USP14: variants seen among roughly 807,000 people sequenced by gnomAD.
USP14 encodes ubiquitin specific peptidase 14, also known as ubiquitin carboxyl-terminal hydrolase 14.
A neutral mutation model predicts 76.5 loss-of-function variants in USP14; 38 were observed. The observed-to-expected ratio is 0.50, with a 90% CI of 0.38 to 0.65. USP14 has a LOEUF of 0.65. Among genes scored for constraint, USP14 ranks in the 30% least tolerant of loss-of-function variants. USP14 has a pLI of 0.00. For missense variants in USP14, 467 were observed against 586.5 expected (o/e 0.80, Z 2.10); for synonymous variants, 192 against 191.7 (o/e 1.00, Z -0.01).
At chr18:195,402 G>A (rs1910203077) in intron 6 of USP14, among the ~76,000 whole-genome samples, 1 of 152,086 alleles carries the variant, frequency 6.6e-6, no homozygotes, top group South Asian at 2.1e-4. Flanking sequence ...GGTTCAGTCT[G>A]TATAATGATG....
rs747826208 is a variant in USP14, at chr18:158,721, C to A, written c.16+7C>A. ...GCCATGCCGCTCTACTCCGGTGAGC[C>A]CTGTCCTGGCCTCGCGCGCAGCACA... On this transcript the variant is annotated splice_region_variant and intron_variant, in intron 1 of 15. Transcript: ENST00000261601. The A allele has an allele frequency of 2.0e-6, 3 of 1,512,058 alleles. No homozygotes were observed. The highest frequency in any genetic ancestry group is 2.9e-5 in the African/African-American group (2 of 69,164). The allele number at this position is 1,512,058 out of a possible 1,614,324, so 93.7% of individuals were successfully genotyped here. A position where few individuals can be genotyped will look rare whatever the true frequency, so the allele number is the denominator to read the frequency against.
chr18:194,315 G>A lies in USP14; in HGVS notation c.463+1415G>A, dbSNP rs928648265. Among the ~76,000 whole-genome samples, 3 of 152,150 alleles carry A rather than the reference G, an allele frequency of 2.0e-5. No homozygotes were observed. The East Asian group carries it at 5.8e-4, about 29-fold the overall frequency. On this transcript the variant is annotated intron_variant, in intron 6 of 15. Coordinates refer to ENST00000261601, the MANE Select transcript of USP14 (RefSeq NM_005151.4). ...ATATCTACTTCATTTGACAGCTCAT[G>A]TATCTTAGAATAACTTAGAATTTCA... is the stretch of plus-strand genomic sequence containing the variant.
Position 212,651 on chromosome 18 carries a change from TAGTGATTTTA to T in USP14, c.*1369_*1378del, listed in dbSNP as rs1011296524. 6.6e-6 allele frequency: 1 copy of T among 152,152 alleles called. No individual in the cohort carries two copies. The highest frequency in any genetic ancestry group is 1.5e-5 in the Non-Finnish European group (1 of 68,032). 9.4% of individuals were successfully genotyped at this position (152,152 alleles called of 1,614,324 possible). A position where few individuals can be genotyped will look rare whatever the true frequency, so the allele number is the denominator to read the frequency against. On this transcript the variant is annotated 3_prime_UTR_variant, in exon 16 of 16. Transcript: ENST00000261601. ...AATCTTAATGTCTGTTTCAGAATTT[TAGTGATTTTA>T]AAGTGATAGTAGAAAATACCAAGCA... is the stretch of plus-strand genomic sequence containing the variant.
chr18:210,668 T>G (rs2143107424), intron 15 of USP14, among the ~76,000 whole-genome samples, 175 bp downstream of exon 15: 1 of 152,256 alleles, frequency 6.6e-6, no homozygotes, highest in South Asian at 2.1e-4. Context: ...GTATTAGAAA[T>G]TAAAACTGAG....
At chr18:163,727 T>C (rs1277673147) in intron 2 of USP14, among the ~76,000 whole-genome samples, 1 of 152,168 alleles carries the variant, frequency 6.6e-6, no homozygotes, top group Non-Finnish European at 1.5e-5. Context: ...GAGATACATA[T>C]GCAGGTTTGT....
intron 11 of USP14, 23 bp from the exon 12 acceptor site, chr18:203,075 T>C (rs1246806290): frequency 3.1e-6 from 5 of 1,611,046 alleles, no homozygotes; most frequent in Non-Finnish European, 4.2e-6. Context: ...GTAATGGGAT[T>C]TCTTTACATT....
chr18:203,469 A>G (rs1252766220), intron 12 of USP14, among the ~76,000 whole-genome samples: 2 of 152,092 alleles, frequency 1.3e-5, no homozygotes, highest in Non-Finnish European at 2.9e-5. Context: ...CAAAAGATTC[A>G]TATACAATTC....
intron 5 of USP14, among the ~76,000 whole-genome samples, chr18:190,573 A>G (rs879433023): frequency 3.3e-5 from 5 of 152,220 alleles, no homozygotes; most frequent in Admixed American, 6.5e-5. Context: ...TGTGGCCTAC[A>G]TAACTTTTGG....
intron 3 of USP14, among the ~76,000 whole-genome samples, chr18:170,009 A>G (rs1909397991): frequency 6.6e-6 from 1 of 152,010 alleles, no homozygotes; most frequent in Admixed American, 6.6e-5. Flanking sequence ...AGGCCAATTA[A>G]TAACCCTACA....
chr18:205,560 G>A (rs1910506618), intron 13 of USP14, among the ~76,000 whole-genome samples: 1 of 152,106 alleles, frequency 6.6e-6, no homozygotes, highest in African/African-American at 2.4e-5. Context: ...GATCACTTTA[G>A]GCCAGGAGTT....
intron 3 of USP14, among the ~76,000 whole-genome samples, chr18:174,086 C>G (rs1909553557): frequency 1.3e-5 from 2 of 151,936 alleles, no homozygotes; most frequent in South Asian, 4.2e-4. Context: ...GTCATTTTCT[C>G]CATAAGAGTC....
intron 3 of USP14, among the ~76,000 whole-genome samples, chr18:173,578 ATTGT>A (rs1383633027): frequency 6.6e-6 from 1 of 151,618 alleles, no homozygotes; most frequent in Non-Finnish European, 1.5e-5. Context: ...CACCCAGCTA[ATTGT>A]TTGTATTTTT....
chr18:169,436 C>G (rs62073488), intron 3 of USP14, among the ~76,000 whole-genome samples: 36 of 150,104 alleles, frequency 2.4e-4, no homozygotes, highest in African/African-American at 8.3e-4. Flanking sequence ...TATGAAAGAC[C>G]GTTACATTTT....
chr18:171,884 T>C (rs1909473881), intron 3 of USP14, among the ~76,000 whole-genome samples: 1 of 152,096 alleles, frequency 6.6e-6, no homozygotes, highest in South Asian at 2.1e-4. Context: ...ATGGATGACT[T>C]TGGGGAGTTC....
chr18:194,021 G>C (rs1454859045), intron 6 of USP14, among the ~76,000 whole-genome samples: 3 of 152,128 alleles, frequency 2.0e-5, no homozygotes, highest in Non-Finnish European at 2.9e-5. Context: ...TTTTCCAAAG[G>C]AGTCCCACCG....
intron 2 of USP14, among the ~76,000 whole-genome samples, 166 bp from the exon 3 acceptor site, chr18:166,621 C>G (rs182370631): frequency 7.9e-5 from 12 of 152,280 alleles, no homozygotes; most frequent in African/African-American, 2.9e-4. Context: ...GCGTGAGCCA[C>G]TGTGCCTGGC....
rs1278438558 is a variant in USP14 at position 214,527 on chromosome 18, A to T, written c.*3243A>T. 8 of 919,486 alleles carry T rather than the reference A, an allele frequency of 8.7e-6. No individual in the cohort carries two copies. In the Admixed American group the frequency reaches 1.3e-4, roughly 15 times the overall value. 57.0% of individuals were successfully genotyped at this position (919,486 alleles called of 1,614,324 possible). ...CAGCCGACTGTACAACAATTGTTAT[A>T]AAAATGTTTATTGTTTACCAAAACC... On this transcript the variant is annotated 3_prime_UTR_variant, in exon 16 of 16. Coordinates refer to ENST00000261601, the MANE Select transcript of USP14 (RefSeq NM_005151.4).
rs899541255 is a variant in USP14, at chr18:198,091, A to G, written c.720A>G (p.Lys240=). The G allele has an allele frequency of 1.2e-6, 2 of 1,610,848 alleles. No homozygotes were observed. Among genetic ancestry groups the G allele is most frequent in the Non-Finnish European group, 1.7e-6 (2 of 1,177,816 alleles). The change falls in exon 9 of 16, where the codon AAA becomes AAG. Residue 240 remains lysine, a synonymous_variant. Coordinates refer to ENST00000261601, the MANE Select transcript of USP14 (RefSeq NM_005151.4). ...CGGCAGCGACACCTTCTAAAAAGAA[A>G]AGTTTAATCGATCAGTTCTTCGGTG... ...SASAATPSKK[K]SLIDQFFGVE... is the part of the protein sequence containing the mutation.
At position 204,708 on chromosome 18, in the gene USP14, T is replaced by G. The variant is rs774994938; in HGVS notation, c.1164+16T>G. 7 of 1,608,418 alleles carry G rather than the reference T, an allele frequency of 4.4e-6. No individual in the cohort carries two copies. Among genetic ancestry groups the G allele is most frequent in the Non-Finnish European group, 5.9e-6 (7 of 1,178,576 alleles). On this transcript the variant is annotated intron_variant, in intron 13 of 15. Coordinates refer to ENST00000261601, the MANE Select transcript of USP14 (RefSeq NM_005151.4). ...GCCAAATACAGTAGGTTCTTACTGC[T>G]GACTTTATACTCTTAATATCTTAAT...
Sources: allele counts gnomAD v4.1 joint callset (sites outside exome capture counted in the v4.1 genomes callset), GRCh38; gene constraint gnomAD v4.1.1; transcripts MANE v1.5; gene names NCBI Gene and HGNC (gene_info 2026-07-23, HGNC 2026-07-21).